Variants in CNTNAP2 observed in about 807,000 individuals in gnomAD.
The protein encoded by CNTNAP2 is contactin associated protein 2, also known as contactin-associated protein-like 2.
A neutral mutation model predicts 155.2 loss-of-function variants in CNTNAP2; 98 were observed. That is an observed-to-expected ratio of 0.63 (90% CI 0.54 to 0.75). The LOEUF (loss-of-function observed/expected upper bound fraction) is 0.75. Ranked by LOEUF, CNTNAP2 falls within the 30% of genes least tolerant of loss-of-function variation. CNTNAP2 has a pLI of 0.00. For synonymous variants in CNTNAP2, 651 were observed against 631.2 expected (o/e 1.03, Z -0.47); for missense variants, 1,727 against 1,688.1 (o/e 1.02, Z -0.40).
At chr7:146,537,405 C>G (rs776762969) in intron 1 of CNTNAP2, among the ~76,000 whole-genome samples, 16 of 151,838 alleles carry the variant, frequency 1.1e-4, no homozygotes, top group Non-Finnish European at 1.8e-4. Context: ...TGGCAACATC[C>G]TTATTTACTT....
intron 16 of CNTNAP2, among the ~76,000 whole-genome samples, chr7:148,123,905 A>G (rs1413622851): frequency 2.0e-5 from 3 of 152,350 alleles, no homozygotes; most frequent in Middle Eastern, 3.4e-3. Flanking sequence ...AAACAAGGAC[A>G]TAAAGTGACC....
intron 3 of CNTNAP2, among the ~76,000 whole-genome samples, chr7:146,842,425 G>C (rs1343420598): frequency 6.6e-5 from 10 of 152,020 alleles, no homozygotes; most frequent in Non-Finnish European, 1.5e-4. Context: ...GTGATTATTA[G>C]TAGTGAGCTC....
chr7:147,976,655 T>C (rs1801431428), intron 14 of CNTNAP2, among the ~76,000 whole-genome samples: 1 of 152,166 alleles, frequency 6.6e-6, no homozygotes, highest in Non-Finnish European at 1.5e-5. Flanking sequence ...TCCTGACACA[T>C]GAGGAAACAA....
chr7:147,751,797 C>G (rs989511474), intron 13 of CNTNAP2, among the ~76,000 whole-genome samples: 20 of 152,294 alleles, frequency 1.3e-4, no homozygotes, highest in African/African-American at 4.8e-4. Flanking sequence ...AAGAAAAATA[C>G]ATCCTCTTAG....
chr7:146,536,487 G>A (rs769545146), intron 1 of CNTNAP2, among the ~76,000 whole-genome samples: 3 of 151,918 alleles, frequency 2.0e-5, no homozygotes, highest in Non-Finnish European at 2.9e-5. Context: ...TTGGGGGAGG[G>A]TGAGGCAATA....
intron 10 of CNTNAP2, among the ~76,000 whole-genome samples, chr7:147,425,743 A>C (rs17170495): frequency 0.016 from 2,455 of 152,208 alleles, 65 homozygotes; most frequent in African/African-American, 0.056. Flanking sequence ...GAAGAGATGA[A>C]TTTTTTTGAA....
intron 12 of CNTNAP2, among the ~76,000 whole-genome samples, chr7:147,616,977 C>G (rs191587809): frequency 1.3e-5 from 2 of 152,148 alleles, no homozygotes; most frequent in African/African-American, 2.4e-5. Flanking sequence ...CGCCTACGAT[C>G]GTGTGCTAGA....
At chr7:147,274,846 T>G (rs1230178016) in intron 8 of CNTNAP2, among the ~76,000 whole-genome samples, 1 of 152,108 alleles carries the variant, frequency 6.6e-6, no homozygotes, top group Non-Finnish European at 1.5e-5. Flanking sequence ...TGATAATTTT[T>G]GTATATAGTG....
intron 3 of CNTNAP2, among the ~76,000 whole-genome samples, chr7:146,965,121 C>A (rs1381031268): frequency 3.3e-5 from 5 of 152,020 alleles, no homozygotes; most frequent in Non-Finnish European, 5.9e-5. Context: ...GTAAGAACGG[C>A]AGGAAGGTGG....
chr7:147,109,122 C>A (rs538631028), intron 5 of CNTNAP2, among the ~76,000 whole-genome samples: 1 of 152,062 alleles, frequency 6.6e-6, no homozygotes, highest in Non-Finnish European at 1.5e-5. Context: ...TTTTATCAAG[C>A]GCATTGAGAC....
intron 1 of CNTNAP2, among the ~76,000 whole-genome samples, chr7:146,548,608 A>G (rs1370797058): frequency 1.3e-5 from 2 of 152,106 alleles, no homozygotes; most frequent in Non-Finnish European, 2.9e-5. Flanking sequence ...AGCAATCTTC[A>G]TAGGCCTTTG....
intron 8 of CNTNAP2, among the ~76,000 whole-genome samples, chr7:147,185,017 G>A (rs1038164898): frequency 2.4e-4 from 36 of 152,072 alleles, no homozygotes; most frequent in African/African-American, 8.7e-4. Flanking sequence ...GGAGGAAAAA[G>A]CCACTTAAAT....
intron 8 of CNTNAP2, among the ~76,000 whole-genome samples, chr7:147,181,496 A>T (rs1802454619): frequency 6.6e-6 from 1 of 152,230 alleles, no homozygotes; most frequent in Admixed American, 6.5e-5. Flanking sequence ...TAAACTAAGT[A>T]TTACCTTTAA....
At chr7:147,375,199 C>T (rs932635379) in intron 9 of CNTNAP2, among the ~76,000 whole-genome samples, 3 of 151,946 alleles carry the variant, frequency 2.0e-5, no homozygotes, top group Non-Finnish European at 4.4e-5. Context: ...ATTACCCAGT[C>T]TCTGGCAGTT....
At chr7:146,874,764 T>C (rs1239402260) in intron 3 of CNTNAP2, among the ~76,000 whole-genome samples, 1 of 152,244 alleles carries the variant, frequency 6.6e-6, no homozygotes, top group Non-Finnish European at 1.5e-5. Context: ...TTCAATAAAA[T>C]TGTATGATAA....
chr7:147,930,600 AG>A (rs1288596699), intron 14 of CNTNAP2, among the ~76,000 whole-genome samples: 1 of 152,230 alleles, frequency 6.6e-6, no homozygotes, highest in Non-Finnish European at 1.5e-5. Flanking sequence ...ATGGAACTGA[AG>A]AAAGAAATAC....
At chr7:147,334,466 T>C (rs900353987) in intron 9 of CNTNAP2, among the ~76,000 whole-genome samples, 1 of 152,182 alleles carries the variant, frequency 6.6e-6, no homozygotes, top group Admixed American at 6.6e-5. Context: ...ACAACAATAA[T>C]GGAGTAACAG....
chr7:146,367,165 T>G (rs984912975), intron 1 of CNTNAP2, among the ~76,000 whole-genome samples: 2 of 152,202 alleles, frequency 1.3e-5, no homozygotes, highest in Admixed American at 6.5e-5. Context: ...ACTAATATCA[T>G]GGATGCTCAC....
chr7:146,787,286 T>C (rs1802590771), intron 2 of CNTNAP2, among the ~76,000 whole-genome samples: 1 of 152,196 alleles, frequency 6.6e-6, no homozygotes, highest in African/African-American at 2.4e-5. Context: ...TGGTGGGTTT[T>C]TGGTCTCGCT....
Sources: gnomAD v4.1 joint callset for allele counts (sites outside exome capture counted in the v4.1 genomes callset) on GRCh38, gnomAD v4.1.1 for gene constraint, MANE v1.5 for transcripts, NCBI Gene and HGNC (gene_info 2026-07-23, HGNC 2026-07-21) for gene names.